The following EXOC4 variants were observed in gnomAD, a reference collection of about 807,000 sequenced individuals.
The protein encoded by EXOC4 is SEC8-like 1.
EXOC4 carries 71 observed loss-of-function variants against 107.2 expected under a neutral mutation model. The ratio of observed to expected loss-of-function variants is 0.66; its 90% CI spans 0.55 to 0.81. The LOEUF (loss-of-function observed/expected upper bound fraction) is 0.81, where lower values mean the gene tolerates loss of function less well. EXOC4 is among the 30% of genes least tolerant of loss of function. The pLI is 0.00. For synonymous variants in EXOC4, 456 were observed against 441.2 expected (o/e 1.03, Z -0.42); for missense variants, 1,108 against 1,189.6 (o/e 0.93, Z 1.01).
intron 7 of EXOC4, among the ~76,000 whole-genome samples, chr7:133,464,810 G>GTTTTTTTTTTTTTTT (rs1491525276): frequency 9.5e-6 from 1 of 105,664 alleles, no homozygotes; most frequent in Non-Finnish European, 1.7e-5. Context: ...TGGTTGGGTT[G>GTTTTTTTTTTTTTTT]GTTTTTTTTT....
At chr7:133,509,463 G>A (rs1004671666) in intron 9 of EXOC4, among the ~76,000 whole-genome samples, 2 of 151,966 alleles carry the variant, frequency 1.3e-5, no homozygotes, top group African/African-American at 2.4e-5. Context: ...AGGTAGTTGG[G>A]TAGGGCTTCT....
At chr7:133,477,469 C>A (rs946457556) in intron 8 of EXOC4, among the ~76,000 whole-genome samples, 1 of 152,172 alleles carries the variant, frequency 6.6e-6, no homozygotes, top group South Asian at 2.1e-4. Flanking sequence ...TCTTCCACAT[C>A]TTTTTGTGGC....
intron 7 of EXOC4, among the ~76,000 whole-genome samples, chr7:133,383,237 C>T (rs1796657528): frequency 6.6e-6 from 1 of 152,110 alleles, no homozygotes; most frequent in African/African-American, 2.4e-5. Flanking sequence ...TGAACAAACC[C>T]ATCCTCCAGA....
rs148354801 is a variant in EXOC4 at position 133,740,422 on chromosome 7, G to A, written c.1515-76903G>A. ...TTCTTGATCTTTTATTACCTGCTGG[G>A]ATGGCAGAATTGCTTCATAAATGTA... On this transcript the variant is annotated intron_variant, in intron 10 of 17. Transcript: ENST00000253861. Among the ~76,000 whole-genome samples the A allele has an allele frequency of 3.8e-4, 58 of 152,208 alleles. 1 individual carries two copies. The East Asian group carries it at 0.011, about 28-fold the overall frequency.
At chr7:133,339,651 G>A (rs1281292145) in intron 5 of EXOC4, among the ~76,000 whole-genome samples, 1 of 152,080 alleles carries the variant, frequency 6.6e-6, no homozygotes, top group East Asian at 1.9e-4. Flanking sequence ...CGTGGGATGT[G>A]TTTCCATTTG....
At chr7:133,279,336 G>A (rs559521573) in intron 2 of EXOC4, among the ~76,000 whole-genome samples, 1 of 152,272 alleles carries the variant, frequency 6.6e-6, no homozygotes, top group Non-Finnish European at 1.5e-5. Flanking sequence ...TAGATACCCA[G>A]TAATGGGATG....
At chr7:133,888,598 C>G (rs1376656720) in intron 11 of EXOC4, among the ~76,000 whole-genome samples, 1 of 152,158 alleles carries the variant, frequency 6.6e-6, no homozygotes, top group Admixed American at 6.5e-5. Context: ...ACAGTGCTGT[C>G]GGCATCTAGC....
intron 11 of EXOC4, among the ~76,000 whole-genome samples, chr7:133,856,954 A>AGTCG (rs1436358949): frequency 1.2e-4 from 18 of 150,216 alleles, no homozygotes; most frequent in Non-Finnish European, 2.7e-4. Context: ...CAAAAAAATT[A>AGTCG]GGCCTGGTGG....
At chr7:133,808,812 C>G (rs900674625) in intron 10 of EXOC4, among the ~76,000 whole-genome samples, 3 of 151,814 alleles carry the variant, frequency 2.0e-5, no homozygotes, top group African/African-American at 7.3e-5. Context: ...TTTGAATATA[C>G]TGTGTTCTCA....
At chr7:133,989,515 T>A (rs141859593) in intron 14 of EXOC4, among the ~76,000 whole-genome samples, 3 of 141,946 alleles carry the variant, frequency 2.1e-5, no homozygotes, top group Non-Finnish European at 4.6e-5. Context: ...TGAAGGAAAC[T>A]ATGGAAGAAA....
At chr7:133,317,879 A>G (rs2150582468) in intron 5 of EXOC4, among the ~76,000 whole-genome samples, 1 of 152,028 alleles carries the variant, frequency 6.6e-6, no homozygotes, top group South Asian at 2.1e-4. Flanking sequence ...ACAGGGTTTC[A>G]CCATGTTGGC....
At chr7:133,644,411 C>T (rs1802938014) in intron 10 of EXOC4, among the ~76,000 whole-genome samples, 1 of 152,068 alleles carries the variant, frequency 6.6e-6, no homozygotes, top group African/African-American at 2.4e-5. Context: ...ACTGTGGTTC[C>T]CATGGTTAGA....
intron 10 of EXOC4, among the ~76,000 whole-genome samples, chr7:133,728,310 G>GC (rs1160666441): frequency 6.6e-6 from 1 of 152,214 alleles, no homozygotes; most frequent in East Asian, 1.9e-4. Context: ...TTGCTAGGGA[G>GC]CCATCTTGAA....
intron 13 of EXOC4, among the ~76,000 whole-genome samples, chr7:133,933,744 C>G (rs940655453): frequency 6.6e-6 from 1 of 152,142 alleles, no homozygotes; most frequent in Non-Finnish European, 1.5e-5. Flanking sequence ...AGCTTCAGGC[C>G]AGTGCGCCCA....
At chr7:133,515,886 G>A (rs549746283) in intron 9 of EXOC4, among the ~76,000 whole-genome samples, 2 of 152,216 alleles carry the variant, frequency 1.3e-5, no homozygotes, top group Admixed American at 1.3e-4. Flanking sequence ...ATTCTTTATA[G>A]TCATTATCAA....
chr7:133,837,169 C>G (rs942232809), intron 11 of EXOC4, among the ~76,000 whole-genome samples: 2 of 152,122 alleles, frequency 1.3e-5, no homozygotes, highest in African/African-American at 4.8e-5. Context: ...TTTTGAATGC[C>G]TACTATGTGC....
intron 10 of EXOC4, among the ~76,000 whole-genome samples, chr7:133,753,849 G>A (rs1795844288): frequency 6.6e-6 from 1 of 152,188 alleles, no homozygotes; most frequent in South Asian, 2.1e-4. Flanking sequence ...TTTATGGGTT[G>A]TGGAATGTTG....
chr7:133,690,294 G>A (rs1041962764), intron 10 of EXOC4, among the ~76,000 whole-genome samples: 2 of 152,208 alleles, frequency 1.3e-5, no homozygotes, highest in African/African-American at 4.8e-5. Flanking sequence ...TTGAAGAGGA[G>A]AAAGTCACTT....
chr7:133,841,812 C>T (rs1185374448), intron 11 of EXOC4, among the ~76,000 whole-genome samples: 1 of 152,174 alleles, frequency 6.6e-6, no homozygotes, highest in Non-Finnish European at 1.5e-5. Context: ...TCACCCTCTT[C>T]CCACCCACCA....
Sources: gnomAD v4.1 joint callset for allele counts (sites outside exome capture counted in the v4.1 genomes callset) on GRCh38, gnomAD v4.1.1 for gene constraint, MANE v1.5 for transcripts, NCBI Gene and HGNC (gene_info 2026-07-23, HGNC 2026-07-21) for gene names.